The following GNAS variants were observed in gnomAD, a reference collection of about 807,000 sequenced individuals.
GNAS encodes protein ALEX.
GNAS carries 8 observed loss-of-function variants against 54.5 expected under a neutral mutation model. The ratio of observed to expected loss-of-function variants is 0.15; its 90% confidence interval spans 0.09 to 0.26. The LOEUF is 0.26. GNAS is among the 10% of genes least tolerant of loss of function. The pLI, the probability that GNAS is intolerant of heterozygous loss-of-function variation, is 1.00. For synonymous variants in GNAS, 204 were observed against 191.4 expected, an observed-to-expected ratio of 1.07 and a Z score of -0.54; for missense variants, 170 against 529.8, an observed-to-expected ratio of 0.32 and a Z score of 6.67.
intron 1 of GNAS, among the ~76,000 whole-genome samples, chr20:58,878,974 C>A (rs1445674940): frequency 6.6e-6 from 1 of 151,974 alleles, no homozygotes; most frequent in African/African-American, 2.4e-5. Context: ...CAAAGGAAGC[C>A]CACTTCAGGA....
At chr20:58,900,033 C>G in intron 3 of GNAS, 3 of 693,840 alleles carry the variant, frequency 4.3e-6, no homozygotes, top group Admixed American at 2.1e-5. Context: ...ATTGCTCGGT[C>G]TTAGGAACTT....
intron 1 of GNAS, among the ~76,000 whole-genome samples, chr20:58,843,806 TATCTG>T (rs2085836289): frequency 2.0e-5 from 3 of 152,190 alleles, no homozygotes; most frequent in Admixed American, 2.0e-4. Context: ...TAACTGAACT[TATCTG>T]AGCTGGGAAT....
intron 2 of GNAS, chr20:58,898,200 T>TC (rs759091525): frequency 1.5e-4 from 23 of 152,234 alleles, no homozygotes; most frequent in Non-Finnish European, 2.2e-4. Flanking sequence ...ATGCTGCCCT[T>TC]CGGCCTTCAA....
At chr20:58,900,757 G>C (rs1213458405) in intron 3 of GNAS, among the ~76,000 whole-genome samples, 1 of 152,170 alleles carries the variant, frequency 6.6e-6, no homozygotes, top group African/African-American at 2.4e-5. Flanking sequence ...TTAAGCAATA[G>C]TAAAAGTGAT....
chr20:58,854,896 G>C (rs1600716252), intron 1 of GNAS: 1 of 1,594,290 alleles, frequency 6.3e-7, no homozygotes, highest in African/African-American at 1.3e-5. Flanking sequence ...CCTACTCCGC[G>C]GCCTACTCGC....
At chr20:58,899,992 G>A (rs557726770) in intron 3 of GNAS, 30 of 717,004 alleles carry the variant, frequency 4.2e-5, no homozygotes, top group Non-Finnish European at 6.8e-5. Flanking sequence ...TCATCTTCCC[G>A]GCTATGTCCT....
chr20:58,895,496 G>T, intron 1 of GNAS, 116 bp from the exon 2 acceptor site: 1 of 729,922 alleles, frequency 1.4e-6, no homozygotes, highest in Non-Finnish European at 2.5e-6. Flanking sequence ...CTGTGATTTT[G>T]TGTTTGGTTT....
At chr20:58,891,304 C>G (rs1382260399), upstream of GNAS, 1 of 146,144 alleles carries the variant, frequency 6.8e-6, no homozygotes, top group Non-Finnish European at 1.5e-5. Flanking sequence ...CCACCCCCCT[C>G]GCCGCCGCCG....
At chr20:58,882,158 T>C (rs983993540) in intron 1 of GNAS, among the ~76,000 whole-genome samples, 1 of 152,228 alleles carries the variant, frequency 6.6e-6, no homozygotes, top group Non-Finnish European at 1.5e-5. Context: ...AAGCTCCGCC[T>C]CCCGGGTTCA....
chr20:58,899,907 G>A (rs1242372253), intron 3 of GNAS: 1 of 717,342 alleles, frequency 1.4e-6, no homozygotes. Context: ...GGGGTCTGGG[G>A]ACAAAGTAAC....
At position 58,873,423 on chromosome 20, in the gene GNAS, G is replaced by T. The variant is rs573197790; in HGVS notation, c.44-22189G>T. Among the ~76,000 whole-genome samples the T allele has an allele frequency of 3.3e-5, 5 of 152,314 alleles. 1 individual carries two copies. In the South Asian group the frequency reaches 1.0e-3, roughly 32 times the overall value. ...TTTTCAAATGTTTGACTATTGGCAG[G>T]TCTGAGGTTTACTCATCTGTAGGTT... is the stretch of plus-strand genomic sequence containing the variant. On this transcript the variant is annotated intron_variant, in intron 1 of 12. Coordinates refer to the GNAS transcript ENST00000306090. This position sits in a 1 kb window ranked among gnomAD's most constrained non-coding sequence, Gnocchi z 4.3.
chr20:58,896,621 TAAA>T (rs5842245), intron 2 of GNAS, among the ~76,000 whole-genome samples: 14,908 of 133,404 alleles, frequency 0.11, 1,777 homozygotes, highest in African/African-American at 0.31. Context: ...ACAAAACGTG[TAAA>T]AAAAAAAAAA....
At chr20:58,901,842 C>A (rs2090632267) in intron 3 of GNAS, among the ~76,000 whole-genome samples, 1 of 109,024 alleles carries the variant, frequency 9.2e-6, no homozygotes, top group Non-Finnish European at 1.8e-5. Flanking sequence ...TCCGTCCCCG[C>A]CCCCCACCCC....
intron 3 of GNAS, chr20:58,899,526 A>C (rs759322378): frequency 1.8e-6 from 1 of 542,140 alleles, no homozygotes; most frequent in South Asian, 1.4e-5. Context: ...AAAATGATCA[A>C]ATTTATTTGA....
intron 3 of GNAS, chr20:58,900,089 G>A: frequency 5.3e-6 from 3 of 568,404 alleles, no homozygotes; most frequent in Admixed American, 3.2e-5. Flanking sequence ...GGGGGGATGG[G>A]GCCCCTGCTA....
chr20:58,889,222 C>CCGGCGCGGCGCGGCG (rs143800311), upstream of GNAS: 11 of 1,199,820 alleles, frequency 9.2e-6, no homozygotes, highest in East Asian at 2.8e-4. Context: ...AGGTGGCTGG[C>CCGGCGCGGCGCGGCG]CGGCGCGGCG....
chr20:58,865,183 C>T (rs2145658623), intron 1 of GNAS, among the ~76,000 whole-genome samples: 1 of 151,990 alleles, frequency 6.6e-6, no homozygotes, highest in South Asian at 2.1e-4. Context: ...TTTGGGAGGC[C>T]AAGGTGGGCA....
At chr20:58,850,998 C>T (rs1354293145) in intron 1 of GNAS, 1 of 398,296 alleles carries the variant, frequency 2.5e-6, no homozygotes, top group Non-Finnish European at 4.4e-6. Context: ...AATGGCTGAC[C>T]CGGCGCTGGG....
At chr20:58,865,275 G>A (rs563135621) in intron 1 of GNAS, among the ~76,000 whole-genome samples, 31 of 151,594 alleles carry the variant, frequency 2.0e-4, no homozygotes, top group African/African-American at 5.8e-4. Context: ...AAAATTAGCC[G>A]GGCGTGGTGG....
Sources: allele counts gnomAD v4.1 joint callset (sites outside exome capture counted in the v4.1 genomes callset), GRCh38; gene constraint gnomAD v4.1.1; non-coding constraint Gnocchi (gnomAD v3.1); transcripts MANE v1.5; gene names NCBI Gene and HGNC (gene_info 2026-07-23, HGNC 2026-07-21).